The following LANCL2 variants were observed in gnomAD, a reference collection of about 807,000 sequenced individuals.
The protein encoded by LANCL2 is LanC like glutathione S-transferase 2.
A neutral mutation model predicts 56.9 loss-of-function variants in LANCL2; 33 were observed. The ratio of observed to expected loss-of-function variants is 0.58; its 90% CI spans 0.44 to 0.78. The LOEUF is 0.78. LANCL2 is among the 30% of genes least tolerant of loss of function. The probability of loss-of-function intolerance (pLI) is 0.00; values close to 1 mark genes in which losing one functional copy is unlikely to be tolerated. For synonymous variants in LANCL2, 233 were observed against 228.2 expected (o/e 1.02, Z -0.19); for missense variants, 562 against 580.2 (o/e 0.97, Z 0.32).
chr7:55,398,308 G>T (rs533371174), intron 2 of LANCL2, 115 bp from the exon 3 acceptor site: 2 of 745,572 alleles, frequency 2.7e-6, no homozygotes, highest in Non-Finnish European at 4.5e-6. Flanking sequence ...GGTGTTACCC[G>T]TTTGGAAACA....
intron 1 of LANCL2, among the ~76,000 whole-genome samples, chr7:55,370,163 C>T (rs1789927229): frequency 6.6e-6 from 1 of 152,122 alleles, no homozygotes; most frequent in African/African-American, 2.4e-5. Context: ...GTCGGCCTTG[C>T]TATGTGTTTT....
chr7:55,366,126 C>T lies in LANCL2; in HGVS notation c.101C>T (p.Ala34Val). 1 of 1,546,172 alleles carries T rather than the reference C, an allele frequency of 6.5e-7. No individual in the cohort carries two copies. The highest frequency in any genetic ancestry group is 1.2e-5 in the South Asian group (1 of 83,856). The change falls in exon 1 of 9, where the codon GCC becomes GTC. Residue 34 changes from alanine to valine, a missense_variant. Coordinates refer to ENST00000254770, the MANE Select transcript of LANCL2 (RefSeq NM_018697.4). ...FVNPFPDYEA[A>V]AGALLASGAA... The stretch of plus-strand genomic sequence containing the variant: ...AACCCCTTCCCGGACTACGAGGCCG[C>T]CGCCGGGGCGCTGCTCGCCTCCGGA...
intron 5 of LANCL2, among the ~76,000 whole-genome samples, chr7:55,407,082 G>A (rs1790416227): frequency 6.6e-6 from 1 of 152,214 alleles, no homozygotes; most frequent in Non-Finnish European, 1.5e-5. Context: ...AGCATGTGCA[G>A]TGGTTGGACC....
intron 1 of LANCL2, among the ~76,000 whole-genome samples, chr7:55,382,165 C>T (rs1182156463): frequency 1.3e-5 from 2 of 152,052 alleles, no homozygotes; most frequent in African/African-American, 4.8e-5. Context: ...GGGTCCAATC[C>T]TGAAAAGAAC....
chr7:55,407,133 A>G (rs1790417189), intron 5 of LANCL2, among the ~76,000 whole-genome samples: 1 of 152,224 alleles, frequency 6.6e-6, no homozygotes. Flanking sequence ...GGAACTGCCT[A>G]TCCTTCAACT....
chr7:55,420,498 A>C (rs979480357), intron 6 of LANCL2, among the ~76,000 whole-genome samples: 1 of 152,242 alleles, frequency 6.6e-6, no homozygotes, highest in Non-Finnish European at 1.5e-5. Context: ...CGAATGTCCC[A>C]CGTGCGTTTG....
In LANCL2 at chr7:55,397,620, A is replaced by G. The variant is rs963469477; in HGVS notation, c.323-803A>G. 6.0e-5 allele frequency among the ~76,000 whole-genome samples: 9 copies of G among 150,790 alleles called. 1 individual carries two copies. Among genetic ancestry groups the G allele is most frequent in the African/African-American group, 9.8e-5 (4 of 40,950 alleles). Reference sequence around the variant, plus strand: ...GTCATCTCTGTCAATGTTGGTTCCTATAAAAGACTTCAGTAAATACATATT... The same window carrying G: ...GTCATCTCTGTCAATGTTGGTTCCTGTAAAAGACTTCAGTAAATACATATT... On this transcript the variant is annotated intron_variant, in intron 2 of 8. Coordinates refer to ENST00000254770, the MANE Select transcript of LANCL2 (RefSeq NM_018697.4).
At chr7:55,427,531 G>A (rs1398802589) in intron 7 of LANCL2, among the ~76,000 whole-genome samples, 1 of 152,186 alleles carries the variant, frequency 6.6e-6, no homozygotes, top group Non-Finnish European at 1.5e-5. Flanking sequence ...ATGATGTAAA[G>A]CCCACAGAAT....
intron 5 of LANCL2, among the ~76,000 whole-genome samples, chr7:55,409,439 A>G (rs180917325): frequency 9.3e-4 from 141 of 152,288 alleles, no homozygotes; most frequent in Non-Finnish European, 1.7e-3. Flanking sequence ...TTCTGCCCAG[A>G]AAGTTACCAA....
intron 6 of LANCL2, among the ~76,000 whole-genome samples, chr7:55,416,434 G>A (rs1050194870): frequency 6.6e-5 from 10 of 151,952 alleles, no homozygotes; most frequent in South Asian, 2.1e-4. Flanking sequence ...CTACAGGCAC[G>A]TGCCACCACA....
rs919086089 is a variant in LANCL2 at position 55,412,082 on chromosome 7, C to T, written c.1001C>T (p.Ala334Val). ...GGGGTCATCCACATGCTCATGCAGG[C>T]GTACAAGGTCAGTGCTTCCGCCGTC... ...APGVIHMLMQ[A>V]YKVFKEEKYL... Residue 334 changes from alanine (A) to valine (V), a missense_variant, in exon 6 of 9, where the codon GCG becomes GTG. Physicochemically the swap from Ala to Val is moderately conservative, Grantham distance 64. Transcript: ENST00000254770. The T allele has an allele frequency of 8.1e-6, 13 of 1,612,546 alleles. No homozygotes were observed. Among genetic ancestry groups the T allele is most frequent in the Middle Eastern group, 1.6e-4 (1 of 6,062 alleles).
intron 5 of LANCL2, among the ~76,000 whole-genome samples, chr7:55,411,693 C>T (rs1254015783): frequency 6.6e-6 from 1 of 152,148 alleles, no homozygotes; most frequent in Non-Finnish European, 1.5e-5. Flanking sequence ...AGTCCTAATC[C>T]ACCAAAGAAG....
At chr7:55,371,700 A>G (rs1789945462) in intron 1 of LANCL2, among the ~76,000 whole-genome samples, 1 of 152,210 alleles carries the variant, frequency 6.6e-6, no homozygotes, top group South Asian at 2.1e-4. Flanking sequence ...TTTCCACAGA[A>G]AAAAATCAGG....
chr7:55,419,298 A>G (rs1322826296), intron 6 of LANCL2, among the ~76,000 whole-genome samples: 1 of 145,216 alleles, frequency 6.9e-6, no homozygotes, highest in African/African-American at 2.6e-5. Context: ...ATGTTTTCTC[A>G]TTTTATCTAA....
At chr7:55,415,674 C>T (rs1348404332) in intron 6 of LANCL2, among the ~76,000 whole-genome samples, 2 of 137,082 alleles carry the variant, frequency 1.5e-5, no homozygotes, top group Non-Finnish European at 3.1e-5. Context: ...TGTGCAGTGG[C>T]GCAGTTTTGG....
At chr7:55,417,283 G>A (rs1790555124) in intron 6 of LANCL2, among the ~76,000 whole-genome samples, 1 of 151,790 alleles carries the variant, frequency 6.6e-6, no homozygotes, top group Non-Finnish European at 1.5e-5. Flanking sequence ...CCAGCCTGAG[G>A]TGTTTTTTTT....
rs1326513680 is a variant in LANCL2 at position 55,425,378 on chromosome 7, T to C, written c.1133T>C (p.Leu378Pro). The part of the protein sequence containing the change: ...HGTAGNGYSF[L>P]SLYRLTQDKK... ...ACTGCTGGCAACGGCTATTCCTTCC[T>C]GTCCCTTTACCGTCTCACGCAGGAT... is the stretch of plus-strand genomic sequence containing the variant. The change falls in exon 7 of 9, where the codon CTG becomes CCG. Residue 378 changes from leucine (L) to proline (P), a missense_variant. This residue lies in a region of LANCL2 where 378 missense variants were observed against 468.4 expected (regional missense o/e 0.81). Coordinates refer to ENST00000254770, the MANE Select transcript of LANCL2 (RefSeq NM_018697.4). 2 of 1,614,208 alleles carry C rather than the reference T, an allele frequency of 1.2e-6. No homozygotes were observed. Among genetic ancestry groups the C allele is most frequent in the Admixed American group, 3.3e-5 (2 of 60,032 alleles).
At chr7:55,411,757 T>G (rs141605709) in intron 5 of LANCL2, 150 bp from the exon 6 acceptor site, 955 of 787,390 alleles carry the variant, frequency 1.2e-3, no homozygotes, top group Non-Finnish European at 1.5e-3. Context: ...AAGTTTTGCC[T>G]AAGTCTTAAA....
At chr7:55,430,112 C>T (rs1353350795) in intron 8 of LANCL2, among the ~76,000 whole-genome samples, 2 of 152,192 alleles carry the variant, frequency 1.3e-5, no homozygotes, top group African/African-American at 4.8e-5. Context: ...GTAGGGCCTC[C>T]TAGGCTTGTT....
Sources: gnomAD v4.1 joint callset for allele counts (sites outside exome capture counted in the v4.1 genomes callset) on GRCh38, gnomAD v4.1.1 for gene constraint, gnomAD v4.1.1 regional missense constraint, MANE v1.5 for transcripts, NCBI Gene and HGNC (gene_info 2026-07-23, HGNC 2026-07-21) for gene names.